Variants in EML1 observed in about 807,000 individuals in gnomAD.
EML1 encodes echinoderm microtubule-associated protein-like 1.
In EML1, 27 loss-of-function variants were observed where a neutral mutation model predicts 110.4. The ratio of observed to expected loss-of-function variants is 0.24; its 90% CI spans 0.18 to 0.34. The LOEUF (loss-of-function observed/expected upper bound fraction) is 0.34, where lower values mean the gene tolerates loss of function less well. Ranked by LOEUF, EML1 falls within the 10% of genes least tolerant of loss-of-function variation. EML1 has a pLI of 1.00. For missense variants in EML1, 741 were observed against 1,030.9 expected (o/e 0.72, Z 3.85); for synonymous variants, 344 against 385.8 (o/e 0.89, Z 1.27).
At position 99,940,156 on chromosome 14, in the gene EML1, C is replaced by G. The variant is rs1255313287; in HGVS notation, c.*44C>G. On this transcript the variant is annotated 3_prime_UTR_variant, in exon 22 of 22. Transcript: ENST00000262233. Reference sequence around the variant, plus strand: ...GGGAGCAGCATGGGCAAGGAAGACACAGACTCGCATTACCCTTGGTCACTG... The same window carrying G: ...GGGAGCAGCATGGGCAAGGAAGACAGAGACTCGCATTACCCTTGGTCACTG... The G allele has an allele frequency of 3.4e-6, 5 of 1,459,970 alleles. No individual in the cohort carries two copies. Among genetic ancestry groups the G allele is most frequent in the Non-Finnish European group, 4.5e-6 (5 of 1,102,662 alleles). The allele number at this position is 1,459,970 out of a possible 1,614,324, so 90.4% of individuals were successfully genotyped here.
chr14:99,876,625 GTC>G (rs905029313), intron 3 of EML1, among the ~76,000 whole-genome samples: 40 of 152,150 alleles, frequency 2.6e-4, no homozygotes, highest in African/African-American at 8.9e-4. Flanking sequence ...GATGGATAGA[GTC>G]TGTCCTGAGC....
chr14:99,918,474 G>A (rs572521330), intron 16 of EML1, among the ~76,000 whole-genome samples: 51 of 152,328 alleles, frequency 3.3e-4, no homozygotes, highest in African/African-American at 1.2e-3. Context: ...GAGAAGCCTT[G>A]ATTTTGGAAT....
At chr14:99,753,647 G>A (rs1051691339) in intron 1 of EML1, among the ~76,000 whole-genome samples, 45 of 152,276 alleles carry the variant, frequency 3.0e-4, no homozygotes, top group South Asian at 2.5e-3. Flanking sequence ...CTGCCTGATA[G>A]ACGGTGAGCG....
At chr14:99,751,661 G>A (rs894241145) in intron 1 of EML1, among the ~76,000 whole-genome samples, 6 of 152,110 alleles carry the variant, frequency 3.9e-5, no homozygotes, top group East Asian at 1.9e-4. Flanking sequence ...GTGAAAGACC[G>A]GGCCATGGAG....
intron 17 of EML1, among the ~76,000 whole-genome samples, chr14:99,931,991 G>C (rs2060378576): frequency 6.6e-6 from 1 of 152,148 alleles, no homozygotes; most frequent in Non-Finnish European, 1.5e-5. Flanking sequence ...CGTTTCTCCT[G>C]GTTCTGCCTT....
chr14:99,834,206 G>T (rs2139783304), intron 1 of EML1, among the ~76,000 whole-genome samples: 1 of 152,008 alleles, frequency 6.6e-6, no homozygotes, highest in Middle Eastern at 3.4e-3. Flanking sequence ...GGATTACATT[G>T]ATATTTGAAT....
chr14:99,773,466 G>C (rs747494631), exon 1 of EML1: 1 of 152,270 alleles, frequency 6.6e-6, no homozygotes. Context: ...CCCAGAGAGG[G>C]GTGGACGTTG....
intron 1 of EML1, among the ~76,000 whole-genome samples, chr14:99,757,509 G>A (rs111850379): frequency 2.6e-5 from 4 of 152,144 alleles, no homozygotes; most frequent in Admixed American, 1.3e-4. Flanking sequence ...AGACACCCAC[G>A]CATGTACACT....
chr14:99,773,657 C>T (rs1434486476), exon 1 of EML1: 1 of 152,272 alleles, frequency 6.6e-6, no homozygotes, highest in Admixed American at 6.5e-5. Context: ...CCTGGGGCGC[C>T]CCGTCTGCCC....
At chr14:99,844,291 C>T (rs2058674798) in intron 1 of EML1, among the ~76,000 whole-genome samples, 1 of 152,006 alleles carries the variant, frequency 6.6e-6, no homozygotes, top group Admixed American at 6.6e-5. Context: ...CCAACCTGGC[C>T]CACATAGCGA....
rs370057722 is a variant in EML1 at position 99,869,843 on chromosome 14, T to A, written c.383+4197T>A. Among the ~76,000 whole-genome samples the A allele has an allele frequency of 2.0e-4, 31 of 152,342 alleles. No homozygotes were observed. The East Asian group carries it at 5.6e-3, about 28-fold the overall frequency. On this transcript the variant is annotated intron_variant, in intron 3 of 21. Coordinates refer to ENST00000262233, the MANE Select transcript of EML1 (RefSeq NM_004434.3). ...GCACCTCCTCCCCACTTGCTCCCTC[T>A]CTTGCCAAAGGACGTGCCTGCTCCT...
intron 1 of EML1, among the ~76,000 whole-genome samples, chr14:99,780,905 A>G (rs2057532757): frequency 1.3e-5 from 2 of 152,280 alleles, no homozygotes; most frequent in Admixed American, 6.5e-5. Flanking sequence ...TGCTCGCACA[A>G]TGATGAAATT....
chr14:99,802,096 C>T (rs1022700715), intron 1 of EML1, among the ~76,000 whole-genome samples: 2 of 152,106 alleles, frequency 1.3e-5, no homozygotes, highest in East Asian at 1.9e-4. Context: ...TCCGTGAGAG[C>T]GTCTTTCTAG....
chr14:99,774,493 C>A (rs975498720), intron 1 of EML1, among the ~76,000 whole-genome samples: 1 of 152,220 alleles, frequency 6.6e-6, no homozygotes, highest in Non-Finnish European at 1.5e-5. Flanking sequence ...CCTTCCCTCA[C>A]CCTCCTCCTC....
At chr14:99,840,851 G>A (rs1014051208) in intron 1 of EML1, among the ~76,000 whole-genome samples, 3 of 152,126 alleles carry the variant, frequency 2.0e-5, no homozygotes, top group Non-Finnish European at 4.4e-5. Context: ...TCATGTTACC[G>A]GAAACCCTTT....
At chr14:99,895,754 T>C (rs1200345092) in intron 6 of EML1, among the ~76,000 whole-genome samples, 7 of 81,122 alleles carry the variant, frequency 8.6e-5, no homozygotes, top group Non-Finnish European at 1.6e-4. Context: ...CACGTAGATA[T>C]CATCCTACTT....
chr14:99,929,861 A>G (rs2060335598), intron 17 of EML1, among the ~76,000 whole-genome samples: 2 of 152,212 alleles, frequency 1.3e-5, no homozygotes, highest in African/African-American at 4.8e-5. Context: ...GGAAACCATG[A>G]TGAAATGATG....
At chr14:99,901,476 G>A (rs1275751970) in intron 9 of EML1, among the ~76,000 whole-genome samples, 1 of 152,212 alleles carries the variant, frequency 6.6e-6, no homozygotes, top group Admixed American at 6.5e-5. Context: ...ATAGAGTAAA[G>A]TGAAAGCAAG....
chr14:99,827,083 A>G lies in EML1; in HGVS notation c.68-23770A>G, dbSNP rs1051077097. Among the ~76,000 whole-genome samples, 1 of 152,196 alleles carries G rather than the reference A, an allele frequency of 6.6e-6. No individual in the cohort carries two copies. Among genetic ancestry groups the G allele is most frequent in the Non-Finnish European group, 1.5e-5 (1 of 68,034 alleles). On this transcript the variant is annotated intron_variant, in intron 1 of 21. Transcript: ENST00000262233. The surrounding 1 kb of genome is among the most constrained non-coding windows in gnomAD (Gnocchi z 4.4). ...AGGGAGCCAGTCACTGACTGTAAATACGCTGGGGGGTATTTACATGTAGAG... is the reference window on the plus strand; with the variant it reads ...AGGGAGCCAGTCACTGACTGTAAATGCGCTGGGGGGTATTTACATGTAGAG...
Sources: gnomAD v4.1 joint callset for allele counts (sites outside exome capture counted in the v4.1 genomes callset) on GRCh38, gnomAD v4.1.1 for gene constraint, Gnocchi (gnomAD v3.1) non-coding constraint, MANE v1.5 for transcripts, NCBI Gene and HGNC (gene_info 2026-07-23, HGNC 2026-07-21) for gene names.